The following DPY19L3 variants were observed in gnomAD, a reference collection of about 807,000 sequenced individuals.
DPY19L3 encodes protein C-mannosyl-transferase DPY19L3.
Under a neutral mutation model 92.3 loss-of-function variants are expected in DPY19L3, and 51 were observed. The observed-to-expected ratio is 0.55, with a 90% CI of 0.44 to 0.70. DPY19L3 has a LOEUF of 0.70. DPY19L3 is among the 30% of genes least tolerant of loss of function. DPY19L3 has a pLI of 0.00. For missense variants in DPY19L3, 706 were observed against 855.9 expected (o/e 0.82, Z 2.18); for synonymous variants, 309 against 315.2 (o/e 0.98, Z 0.21).
intron 3 of DPY19L3, among the ~76,000 whole-genome samples, chr19:32,419,318 G>A (rs1288653007): frequency 6.6e-6 from 1 of 151,784 alleles, no homozygotes; most frequent in Non-Finnish European, 1.5e-5. Context: ...CCGCTGCCAC[G>A]CCTGGCTAAT....
At chr19:32,441,099 T>G (rs1373920099) in intron 8 of DPY19L3, among the ~76,000 whole-genome samples, 1 of 152,194 alleles carries the variant, frequency 6.6e-6, no homozygotes, top group East Asian at 1.9e-4. Flanking sequence ...AGTTTCACAG[T>G]AGGTATCAAA....
chr19:32,454,906 T>A, intron 9 of DPY19L3, 33 bp from the exon 10 acceptor site: 1 of 1,370,062 alleles, frequency 7.3e-7, no homozygotes, highest in African/African-American at 1.5e-5. Context: ...TATTAAAACT[T>A]AAGAATTAAA....
At chr19:32,425,671 A>C (rs1287757571) in intron 3 of DPY19L3, among the ~76,000 whole-genome samples, 2 of 152,194 alleles carry the variant, frequency 1.3e-5, no homozygotes, top group Non-Finnish European at 2.9e-5. Context: ...ATGCATTATC[A>C]ATGAGCAGTA....
chr19:32,482,207 C>T lies in DPY19L3; in HGVS notation c.2118C>T (p.Thr706=). 3.1e-6 allele frequency: 5 copies of T among 1,613,570 alleles called. No individual in the cohort carries two copies. Among genetic ancestry groups the T allele is most frequent in the Non-Finnish European group, 4.2e-6 (5 of 1,179,794 alleles). The change falls in exon 19 of 19, where the codon ACC becomes ACT. Residue 706 remains threonine, a synonymous_variant. Transcript: ENST00000392250. ...AYFTRVFQNK[T]FHVYKLSRNK ...TCACCAGAGTGTTCCAGAACAAAAC[C>T]TTCCACGTTTACAAGCTGTCCAGAA...
At chr19:32,409,198 C>G (rs891179336) in intron 2 of DPY19L3, among the ~76,000 whole-genome samples, 39 of 152,310 alleles carry the variant, frequency 2.6e-4, no homozygotes, top group African/African-American at 8.4e-4. Flanking sequence ...AAGAAATATA[C>G]TCCCATCCTG....
chr19:32,443,843 G>A (rs1412557260), intron 8 of DPY19L3, among the ~76,000 whole-genome samples: 1 of 152,022 alleles, frequency 6.6e-6, no homozygotes, highest in Non-Finnish European at 1.5e-5. Context: ...GCAGATATTT[G>A]AAGTCAGTTT....
chr19:32,469,453 G>A (rs58832649), intron 16 of DPY19L3, among the ~76,000 whole-genome samples: 7,348 of 149,850 alleles, frequency 0.049, 603 homozygotes, highest in African/African-American at 0.17. Context: ...TCAAGATCGC[G>A]CTACTACACT....
At chr19:32,414,826 CT>C (rs1968324877) in intron 3 of DPY19L3, among the ~76,000 whole-genome samples, 1 of 152,178 alleles carries the variant, frequency 6.6e-6, no homozygotes, top group Non-Finnish European at 1.5e-5. Context: ...AGCCTTCCTA[CT>C]TTCCTTAAAT....
At chr19:32,452,411 A>G (rs1440342947) in intron 8 of DPY19L3, among the ~76,000 whole-genome samples, 1 of 152,216 alleles carries the variant, frequency 6.6e-6, no homozygotes, top group Non-Finnish European at 1.5e-5. Flanking sequence ...ACTCACACAG[A>G]CAAAGCAAGG....
chr19:32,480,410 A>G lies in DPY19L3; in HGVS notation c.1842A>G (p.Ile614Met), dbSNP rs750678080. ...LRERTRAVYQIYAKRAPEEVH... is the reference protein window; with the variant it reads ...LRERTRAVYQMYAKRAPEEVH... Reference sequence around the variant, plus strand: ...ATGTCTTTTTGAAGGTTTATCAGATATATGCCAAGAGGGCACCAGAGGAAG... The same window carrying G: ...ATGTCTTTTTGAAGGTTTATCAGATGTATGCCAAGAGGGCACCAGAGGAAG... The change falls in exon 18 of 19, where the codon ATA becomes ATG. Residue 614 changes from isoleucine to methionine, a missense_variant. By Grantham distance (10) the Ile-to-Met change is conservative. Transcript: ENST00000392250. 2.6e-5 allele frequency: 42 copies of G among 1,609,732 alleles called. No homozygotes were observed. Among genetic ancestry groups the G allele is most frequent in the East Asian group, 1.6e-4 (7 of 44,852 alleles).
Position 32,463,446 on chromosome 19 carries a change from T to C in DPY19L3, c.1403T>C (p.Ile468Thr), listed in dbSNP as rs1217396887. ...DLKPETAYNLIHTILFGFLAL... is the reference protein window; with the variant it reads ...DLKPETAYNLTHTILFGFLAL... ...AAACCAGAAACTGCCTACAACTTAA[T>C]ACATACCATTCTGTTTGGATTCTTG... Residue 468 changes from isoleucine to threonine, a missense_variant, in exon 13 of 19, where the codon ATA (isoleucine) becomes ACA (threonine). By Grantham distance (89) the Ile-to-Thr change is moderately conservative. Transcript: ENST00000392250. The C allele has an allele frequency of 1.2e-6, 2 of 1,613,868 alleles. No homozygotes were observed. Among genetic ancestry groups the C allele is most frequent in the Admixed American group, 1.7e-5 (1 of 60,014 alleles).
intron 16 of DPY19L3, among the ~76,000 whole-genome samples, chr19:32,472,206 T>C (rs1257970077): frequency 1.3e-5 from 2 of 152,258 alleles, no homozygotes; most frequent in African/African-American, 4.8e-5. Flanking sequence ...TATCTTTAGC[T>C]CCTAAAAGGA....
chr19:32,429,754 G>C lies in DPY19L3; in HGVS notation c.238-2962G>C, dbSNP rs10424319. Reference sequence around the variant, plus strand: ...GCCTTTGAACACTTTAAGGAAGCTAGAGAAAAGAAAAATAATGTAATTAAT... The same window carrying C: ...GCCTTTGAACACTTTAAGGAAGCTACAGAAAAGAAAAATAATGTAATTAAT... On this transcript the variant is annotated intron_variant, in intron 3 of 18. Transcript: ENST00000392250. Among the ~76,000 whole-genome samples, 751 of 151,816 alleles carry C rather than the reference G, an allele frequency of 4.9e-3. 7 individuals are homozygous for C. Among genetic ancestry groups the C allele is most frequent in the African/African-American group, 0.017 (707 of 41,364 alleles).
Position 32,484,826 on chromosome 19 carries a change from AAAT to A in DPY19L3, c.*2587_*2589del, listed in dbSNP as rs1970758515. The A allele has an allele frequency of 6.6e-6, 1 of 152,254 alleles. No individual in the cohort carries two copies. The highest frequency in any genetic ancestry group is 1.5e-5 in the Non-Finnish European group (1 of 68,042). 9.4% of individuals were successfully genotyped at this position (152,254 alleles called of 1,614,324 possible). On this transcript the variant is annotated 3_prime_UTR_variant, in exon 19 of 19. Coordinates refer to ENST00000392250, the MANE Select transcript of DPY19L3 (RefSeq NM_001172774.2). The stretch of plus-strand genomic sequence containing the variant: ...TGTGAAAAGAAAGAATTTTCTGTAA[AAAT>A]TAAGTTGAATACTTTGGTAAAAAGT...
intron 3 of DPY19L3, among the ~76,000 whole-genome samples, chr19:32,422,625 G>GA (rs939766485): frequency 1.9e-5 from 1 of 51,332 alleles, no homozygotes; most frequent in Non-Finnish European, 3.6e-5. Context: ...AATAAATCAG[G>GA]AAAAACACAC....
At position 32,454,949 on chromosome 19, in the gene DPY19L3, A is replaced by G; in HGVS notation, c.998A>G (p.Lys333Arg). 1 of 1,559,620 alleles carries G rather than the reference A, an allele frequency of 6.4e-7. No homozygotes were observed. Residue 333 changes from lysine to arginine, a missense_variant, in exon 10 of 19, where the codon AAA becomes AGA. Physicochemically the swap from Lys to Arg is conservative, Grantham distance 26. Coordinates refer to ENST00000392250, the MANE Select transcript of DPY19L3 (RefSeq NM_001172774.2). Reference protein sequence around the residue: ...FIARKLQKNLKTGSFLNRLGK... With the variant: ...FIARKLQKNLRTGSFLNRLGK... ...TCTTTTAATTTCTAGAAAAATCTGAAAACTGGAAGCTTCCTTAATAGGCTT... is the reference window on the plus strand; with the variant it reads ...TCTTTTAATTTCTAGAAAAATCTGAGAACTGGAAGCTTCCTTAATAGGCTT...
chr19:32,466,258 G>C (rs1275491670), intron 15 of DPY19L3, among the ~76,000 whole-genome samples: 1 of 152,212 alleles, frequency 6.6e-6, no homozygotes, highest in African/African-American at 2.4e-5. Flanking sequence ...CAGATAAACA[G>C]CATCAGCGTC....
intron 3 of DPY19L3, among the ~76,000 whole-genome samples, chr19:32,431,236 G>A (rs1401214483): frequency 6.6e-6 from 1 of 152,004 alleles, no homozygotes; most frequent in Admixed American, 6.6e-5. Context: ...CAAATTAGCC[G>A]GGCATGGTGC....
Position 32,477,714 on chromosome 19 carries a change from T to A in DPY19L3, c.1830+60T>A, listed in dbSNP as rs552684362. 1.9e-6 allele frequency: 3 copies of A among 1,602,058 alleles called. No individual in the cohort carries two copies. The Admixed American group carries it at 5.1e-5, about 27-fold the overall frequency. Reference sequence around the variant, plus strand: ...GGGCCAGCTATGGGCTGCGTGTCCCTATGTGTGGTAAAGATGGGGCTGAAT... The same window carrying A: ...GGGCCAGCTATGGGCTGCGTGTCCCAATGTGTGGTAAAGATGGGGCTGAAT... On this transcript the variant is annotated intron_variant, in intron 17 of 18. Coordinates refer to ENST00000392250, the MANE Select transcript of DPY19L3 (RefSeq NM_001172774.2).
Sources: gnomAD v4.1 joint callset for allele counts (sites outside exome capture counted in the v4.1 genomes callset) on GRCh38, gnomAD v4.1.1 for gene constraint, MANE v1.5 for transcripts, NCBI Gene and HGNC (gene_info 2026-07-23, HGNC 2026-07-21) for gene names.